PTPRC: variants seen among roughly 807,000 people sequenced by gnomAD.
PTPRC encodes the protein protein tyrosine phosphatase receptor type C, also known as receptor-type tyrosine-protein phosphatase C.
PTPRC carries 44 observed loss-of-function variants against 155.9 expected under a neutral mutation model. The observed-to-expected ratio is 0.28, with a 90% CI of 0.22 to 0.36. PTPRC has a LOEUF of 0.36. Ranked by LOEUF, PTPRC falls within the 10% of genes least tolerant of loss-of-function variation. PTPRC has a pLI of 1.00. For missense variants in PTPRC, 1,401 were observed against 1,564.6 expected, an observed-to-expected ratio of 0.90 and a Z score of 1.76; for synonymous variants, 525 against 533.1, an observed-to-expected ratio of 0.98 and a Z score of 0.21.
rs1571877980 is a variant in PTPRC at position 198,731,848 on chromosome 1, T to G, written c.1974+122T>G. 5.2e-6 allele frequency: 4 copies of G among 768,970 alleles called. No individual in the cohort carries two copies. In the East Asian group the frequency reaches 1.1e-4, roughly 21 times the overall value. The allele number at this position is 768,970 out of a possible 1,614,324, so 47.6% of individuals were successfully genotyped here. On this transcript the variant is annotated intron_variant, in intron 18 of 32. Transcript: ENST00000442510. ...ACTTGATATTGCAACATAAGCAAAG[T>G]AGATATTATTAGCAGATCTCTATGA...
At chr1:198,737,957 A>G (rs1417286527) in intron 23 of PTPRC, among the ~76,000 whole-genome samples, 1 of 151,628 alleles carries the variant, frequency 6.6e-6, no homozygotes, top group Non-Finnish European at 1.5e-5. Context: ...TCTTTTTCAG[A>G]TTGTTCAATG....
intron 20 of PTPRC, among the ~76,000 whole-genome samples, chr1:198,732,865 A>G (rs1488539426): frequency 1.3e-5 from 2 of 151,808 alleles, no homozygotes; most frequent in Non-Finnish European, 2.9e-5. Flanking sequence ...AGAAGTCCAC[A>G]TTTGCCTCAG....
intron 8 of PTPRC, 22 bp from the exon 9 acceptor site, chr1:198,706,712 T>C (rs764951043): frequency 6.3e-7 from 1 of 1,596,896 alleles, no homozygotes; most frequent in Non-Finnish European, 8.6e-7. Flanking sequence ...AAAATAACAC[T>C]CAATGTTCTA....
chr1:198,699,743 A>C (rs759911229), intron 5 of PTPRC, 39 bp downstream of exon 5: 2 of 1,611,664 alleles, frequency 1.2e-6, no homozygotes, highest in Non-Finnish European at 1.7e-6. Context: ...TATGAAAAGT[A>C]CATGACGACT....
chr1:198,698,691 G>GTA (rs200113441), intron 4 of PTPRC, among the ~76,000 whole-genome samples: 3 of 151,416 alleles, frequency 2.0e-5, no homozygotes, highest in South Asian at 4.2e-4. Flanking sequence ...GGGTATGTGT[G>GTA]TATATATATA....
intron 14 of PTPRC, among the ~76,000 whole-genome samples, chr1:198,719,205 GCTT>G (rs752986901): frequency 1.4e-4 from 22 of 151,960 alleles, no homozygotes; most frequent in Non-Finnish European, 2.5e-4. Context: ...TGAAATGACT[GCTT>G]CTTGAGAGGC....
chr1:198,653,402 T>C (rs1336544341), intron 2 of PTPRC, among the ~76,000 whole-genome samples: 1 of 151,880 alleles, frequency 6.6e-6, no homozygotes, highest in Non-Finnish European at 1.5e-5. Context: ...GTTTCTCATT[T>C]GGTTTTTCAC....
chr1:198,755,761 G>T, intron 32 of PTPRC, 145 bp from the exon 33 acceptor site: 1 of 888,770 alleles, frequency 1.1e-6, no homozygotes, highest in Non-Finnish European at 1.8e-6. Flanking sequence ...TTATTTAGAT[G>T]TTTTTATGAG....
intron 2 of PTPRC, among the ~76,000 whole-genome samples, chr1:198,660,341 G>A (rs1257236240): frequency 6.6e-6 from 1 of 151,792 alleles, no homozygotes; most frequent in Non-Finnish European, 1.5e-5. Flanking sequence ...TTTATCATAT[G>A]CTTATTATTT....
chr1:198,662,152 G>A (rs374975468), intron 2 of PTPRC, among the ~76,000 whole-genome samples: 4 of 152,136 alleles, frequency 2.6e-5, no homozygotes. Context: ...TGATGTATTG[G>A]CTATTTTATT....
intron 8 of PTPRC, among the ~76,000 whole-genome samples, chr1:198,705,844 C>T (rs1191945734): frequency 6.6e-6 from 1 of 152,126 alleles, no homozygotes; most frequent in Non-Finnish European, 1.5e-5. Context: ...TTTCTATTTC[C>T]TGCTCATATT....
At chr1:198,699,951 A>C (rs1287177529) in intron 5 of PTPRC, 1 of 588,560 alleles carries the variant, frequency 1.7e-6, no homozygotes, top group Non-Finnish European at 3.0e-6. Flanking sequence ...GTTATTCAGA[A>C]TAGTCTATTT....
chr1:198,724,780 TTTTG>T (rs1347301507), intron 15 of PTPRC, among the ~76,000 whole-genome samples: 2 of 151,916 alleles, frequency 1.3e-5, no homozygotes, highest in Non-Finnish European at 2.9e-5. Flanking sequence ...TACCTGAATT[TTTTG>T]TTTGTTTTGT....
intron 2 of PTPRC, among the ~76,000 whole-genome samples, chr1:198,671,633 T>C (rs1329467063): frequency 6.6e-6 from 1 of 152,234 alleles, no homozygotes; most frequent in African/African-American, 2.4e-5. Flanking sequence ...TCTCCAACTA[T>C]GCACTAGACA....
intron 13 of PTPRC, among the ~76,000 whole-genome samples, chr1:198,717,243 A>G (rs565035962): frequency 6.6e-6 from 1 of 152,354 alleles, no homozygotes; most frequent in Non-Finnish European, 1.5e-5. Flanking sequence ...CTGATAAAAC[A>G]TTTCATAAAA....
At position 198,709,745 on chromosome 1, in the gene PTPRC, G is replaced by A. The variant is rs139425744; in HGVS notation, c.1092G>A (p.Glu364=). ...TAGAAAACCTTGAACCCGAACATGA[G>A]TATAAGTGTGACTCAGAAATACTCT... ...IKLENLEPEH[E]YKCDSEILYN... is the part of the protein sequence containing the mutation. Residue 364 remains glutamate, a synonymous_variant, in exon 11 of 33, where the codon GAG becomes GAA. Transcript: ENST00000442510. 3 of 1,611,002 alleles carry A rather than the reference G, an allele frequency of 1.9e-6. No homozygotes were observed. Among genetic ancestry groups the A allele is most frequent in the African/African-American group, 1.3e-5 (1 of 74,840 alleles).
At chr1:198,642,370 GTCTA>G (rs369299301) in intron 2 of PTPRC, among the ~76,000 whole-genome samples, 9 of 150,556 alleles carry the variant, frequency 6.0e-5, no homozygotes, top group Admixed American at 2.0e-4. Flanking sequence ...CTATCTATCT[GTCTA>G]TCTATCTATC....
intron 7 of PTPRC, chr1:198,703,880 G>A (rs1666595310): frequency 5.6e-6 from 1 of 178,416 alleles, no homozygotes; most frequent in Admixed American, 5.5e-5. Flanking sequence ...ATCAAGATGA[G>A]CAGAGATCTC....
intron 25 of PTPRC, among the ~76,000 whole-genome samples, chr1:198,743,322 C>A (rs1293522932): frequency 6.6e-6 from 1 of 151,428 alleles, no homozygotes; most frequent in Non-Finnish European, 1.5e-5. Flanking sequence ...TTAAAAAAAA[C>A]ATGAAAATGT....
Sources: gnomAD v4.1 joint callset for allele counts (sites outside exome capture counted in the v4.1 genomes callset) on GRCh38, gnomAD v4.1.1 for gene constraint, MANE v1.5 for transcripts, NCBI Gene and HGNC (gene_info 2026-07-23, HGNC 2026-07-21) for gene names.